ANKS1B: variants seen among roughly 807,000 people sequenced by gnomAD.
ANKS1B encodes ankyrin repeat and sterile alpha motif domain containing 1B.
A neutral mutation model predicts 148.3 loss-of-function variants in ANKS1B; 36 were observed. The ratio of observed to expected loss-of-function variants is 0.24; its 90% CI spans 0.19 to 0.32. The LOEUF (loss-of-function observed/expected upper bound fraction) is 0.32. Among genes scored for constraint, ANKS1B ranks in the 10% least tolerant of loss-of-function variants. The probability of loss-of-function intolerance (pLI) is 1.00; values close to 1 mark genes in which losing one functional copy is unlikely to be tolerated. For synonymous variants in ANKS1B, 542 were observed against 560.8 expected (o/e 0.97, Z 0.47); for missense variants, 1,157 against 1,542.6 (o/e 0.75, Z 4.19).
At chr12:98,946,505 G>C (rs2099845759) in intron 17 of ANKS1B, among the ~76,000 whole-genome samples, 1 of 152,088 alleles carries the variant, frequency 6.6e-6, no homozygotes, top group Non-Finnish European at 1.5e-5. Flanking sequence ...CCTTCCAGTA[G>C]GAAGAGTTTA....
rs190621073 is a variant in ANKS1B at position 99,194,864 on chromosome 12, G to A, written c.2420-40469C>T. 4.7e-3 allele frequency among the ~76,000 whole-genome samples: 711 copies of A among 152,248 alleles called. 8 individuals are homozygous for A. The highest frequency in any genetic ancestry group is 0.015 in the African/African-American group (640 of 41,550). ...ATATGGGGAGTGAATGCTTGGTATA[G>A]AAGGAAATATGGTTATTTGTTGATA... On this transcript the variant is annotated intron_variant, in intron 14 of 26. Coordinates refer to ENST00000683438, the MANE Select transcript of ANKS1B (RefSeq NM_001352186.2).
chr12:99,063,844 ACT>A (rs1358164322), intron 16 of ANKS1B, among the ~76,000 whole-genome samples: 2 of 152,082 alleles, frequency 1.3e-5, no homozygotes, highest in South Asian at 2.1e-4. Context: ...GGAGTGATAA[ACT>A]CTCTGTGTTG....
chr12:99,442,513 T>TA (rs1555433626), intron 11 of ANKS1B, among the ~76,000 whole-genome samples: 12 of 55,330 alleles, frequency 2.2e-4, no homozygotes, highest in African/African-American at 1.9e-4. Flanking sequence ...TATACTAAAG[T>TA]AAAAAAAAAG....
chr12:99,310,406 T>A (rs1042499115), intron 12 of ANKS1B, among the ~76,000 whole-genome samples: 1 of 152,154 alleles, frequency 6.6e-6, no homozygotes, highest in African/African-American at 2.4e-5. Flanking sequence ...AATTGGTAGA[T>A]TACTTAAAGC....
chr12:99,360,824 G>A (rs2092406173), intron 12 of ANKS1B, among the ~76,000 whole-genome samples: 1 of 152,026 alleles, frequency 6.6e-6, no homozygotes, highest in Non-Finnish European at 1.5e-5. Context: ...CGGTTTACTG[G>A]AGATCATTCT....
chr12:99,745,908 C>T (rs1371995399), intron 8 of ANKS1B, among the ~76,000 whole-genome samples: 2 of 151,538 alleles, frequency 1.3e-5, no homozygotes, highest in African/African-American at 2.4e-5. Flanking sequence ...AAATAAAAGA[C>T]AATGATTTTC....
chr12:99,847,338 A>T (rs1441775998), intron 1 of ANKS1B, among the ~76,000 whole-genome samples: 1 of 152,092 alleles, frequency 6.6e-6, no homozygotes, highest in Non-Finnish European at 1.5e-5. Context: ...AGGCCATAAA[A>T]AATAGAATTC....
Position 99,664,411 on chromosome 12 carries a change from C to A in ANKS1B, c.1129-9201G>T, listed in dbSNP as rs1456799244. On this transcript the variant is annotated intron_variant, in intron 8 of 26. Coordinates refer to ENST00000683438, the MANE Select transcript of ANKS1B (RefSeq NM_001352186.2). ...AGGGGATTCTTATGTTACTTTAATG[C>A]AAAATAGAAAGAAAACAAATGAAAT... 4.6e-5 allele frequency among the ~76,000 whole-genome samples: 7 copies of A among 151,084 alleles called. No homozygotes were observed. The East Asian group carries it at 1.2e-3, about 25-fold the overall frequency.
chr12:99,881,533 C>T (rs1174733672), intron 1 of ANKS1B, among the ~76,000 whole-genome samples: 1 of 152,096 alleles, frequency 6.6e-6, no homozygotes, highest in African/African-American at 2.4e-5. Flanking sequence ...GGCCAAGGAA[C>T]CAAAAAATAC....
At chr12:99,522,610 G>A (rs879289411) in intron 9 of ANKS1B, among the ~76,000 whole-genome samples, 3 of 152,152 alleles carry the variant, frequency 2.0e-5, no homozygotes, top group Non-Finnish European at 4.4e-5. Flanking sequence ...TCAGTAAAAG[G>A]TTCTATGCTT....
At chr12:99,698,985 C>A (rs944129777) in intron 8 of ANKS1B, among the ~76,000 whole-genome samples, 1 of 132,452 alleles carries the variant, frequency 7.5e-6, no homozygotes, top group African/African-American at 2.7e-5. Context: ...TGTGCACGCA[C>A]GTGCGCAAGC....
chr12:99,010,735 CATTATTATT>C (rs1004546325), intron 17 of ANKS1B, among the ~76,000 whole-genome samples: 3 of 149,036 alleles, frequency 2.0e-5, no homozygotes, highest in Non-Finnish European at 3.0e-5. Context: ...ACAACTCCAG[CATTATTATT>C]ATTATTATTA....
intron 10 of ANKS1B, among the ~76,000 whole-genome samples, chr12:99,487,852 C>A (rs963377433): frequency 8.6e-5 from 13 of 151,994 alleles, no homozygotes; most frequent in Non-Finnish European, 1.8e-4. Flanking sequence ...CTTATTAATT[C>A]TATTATTCAA....
chr12:99,025,538 T>C (rs1018832433), intron 17 of ANKS1B, among the ~76,000 whole-genome samples: 6 of 152,196 alleles, frequency 3.9e-5, no homozygotes, highest in African/African-American at 1.4e-4. Context: ...TTTCATGTGG[T>C]ATTTACTGGA....
intron 17 of ANKS1B, among the ~76,000 whole-genome samples, chr12:98,930,742 G>T (rs1295690753): frequency 6.6e-6 from 1 of 151,950 alleles, no homozygotes; most frequent in Non-Finnish European, 1.5e-5. Context: ...GAAAGTGGGG[G>T]CGGGGTAGTG....
chr12:98,891,939 C>A (rs1221816786), intron 17 of ANKS1B, among the ~76,000 whole-genome samples: 1 of 152,252 alleles, frequency 6.6e-6, no homozygotes. Context: ...TAAATATTAA[C>A]CAAGTCTAAG....
chr12:98,840,257 C>T (rs865969036), intron 17 of ANKS1B, among the ~76,000 whole-genome samples: 16 of 152,108 alleles, frequency 1.1e-4, no homozygotes, highest in African/African-American at 3.6e-4. Flanking sequence ...TTACATCCCA[C>T]CATCTGTAAC....
chr12:99,519,108 T>A (rs982995777), intron 9 of ANKS1B, among the ~76,000 whole-genome samples: 3 of 152,110 alleles, frequency 2.0e-5, no homozygotes, highest in Non-Finnish European at 4.4e-5. Flanking sequence ...TAAATTTGGT[T>A]GAATGTTTTC....
chr12:99,341,236 G>A (rs2089862955), intron 12 of ANKS1B: 1 of 152,130 alleles, frequency 6.6e-6, no homozygotes, highest in African/African-American at 2.4e-5. Context: ...GCAAGCTAGA[G>A]AATCCTCTTT....
Sources: gnomAD v4.1 joint callset for allele counts (sites outside exome capture counted in the v4.1 genomes callset) on GRCh38, gnomAD v4.1.1 for gene constraint, MANE v1.5 for transcripts, NCBI Gene and HGNC (gene_info 2026-07-23, HGNC 2026-07-21) for gene names.